OLFM3: variants seen among roughly 807,000 people sequenced by gnomAD.
The protein encoded by OLFM3 is noelin-3.
Under a neutral mutation model 48.6 loss-of-function variants are expected in OLFM3, and 20 were observed. The ratio of observed to expected loss-of-function variants is 0.41; its 90% CI spans 0.29 to 0.60. The LOEUF (loss-of-function observed/expected upper bound fraction) is 0.60. Ranked by LOEUF, OLFM3 falls within the 20% of genes least tolerant of loss-of-function variation. OLFM3 has a pLI of 0.28. For synonymous variants in OLFM3, 222 were observed against 198.1 expected (o/e 1.12, Z -1.01); for missense variants, 437 against 544.3 (o/e 0.80, Z 1.96).
intron 1 of OLFM3, among the ~76,000 whole-genome samples, chr1:101,895,322 T>C (rs1286010992): frequency 6.6e-6 from 1 of 152,000 alleles, no homozygotes; most frequent in African/African-American, 2.4e-5. Flanking sequence ...AGATAAGTTA[T>C]GCGTATCAGC....
intron 1 of OLFM3, among the ~76,000 whole-genome samples, chr1:101,976,039 T>G (rs1426689192): frequency 6.6e-6 from 1 of 152,172 alleles, no homozygotes; most frequent in East Asian, 1.9e-4. Flanking sequence ...GATTTTAAGC[T>G]CTTTGAATAA....
chr1:101,931,177 G>T (rs1659433483), intron 1 of OLFM3, among the ~76,000 whole-genome samples: 1 of 152,148 alleles, frequency 6.6e-6, no homozygotes, highest in Non-Finnish European at 1.5e-5. Flanking sequence ...TCAATAATAA[G>T]CTCTCATGAC....
At chr1:101,836,148 G>A (rs757983885) in intron 2 of OLFM3, among the ~76,000 whole-genome samples, 6 of 152,108 alleles carry the variant, frequency 3.9e-5, no homozygotes, top group African/African-American at 7.2e-5. Context: ...ATCCAAACAC[G>A]TCATCTTTCC....
intron 1 of OLFM3, among the ~76,000 whole-genome samples, chr1:101,886,117 A>C (rs555126930): frequency 6.6e-6 from 1 of 152,200 alleles, no homozygotes; most frequent in South Asian, 2.1e-4. Context: ...TACATACAAA[A>C]ACAAAGGTGT....
chr1:101,835,888 T>C (rs1248795715), intron 2 of OLFM3, among the ~76,000 whole-genome samples: 1 of 152,208 alleles, frequency 6.6e-6, no homozygotes, highest in Admixed American at 6.5e-5. Flanking sequence ...AGGAAACTTA[T>C]TTTCACTATG....
At chr1:101,850,903 T>C (rs6682150) in intron 1 of OLFM3, among the ~76,000 whole-genome samples, 42,392 of 151,654 alleles carry the variant, frequency 0.28, 6,863 homozygotes, top group Non-Finnish European at 0.38. Flanking sequence ...GCTGAAGAAA[T>C]TATTGAAGAA....
At chr1:101,949,983 G>A (rs1438747894) in intron 1 of OLFM3, among the ~76,000 whole-genome samples, 10 of 143,574 alleles carry the variant, frequency 7.0e-5, no homozygotes, top group Non-Finnish European at 1.5e-4. Flanking sequence ...AGCCGAGATC[G>A]TGCCACTGCA....
chr1:101,886,328 T>C (rs1657759223), intron 1 of OLFM3, among the ~76,000 whole-genome samples: 1 of 152,060 alleles, frequency 6.6e-6, no homozygotes, highest in South Asian at 2.1e-4. Flanking sequence ...TTTTAAGTTG[T>C]TCATTTTGTA....
At chr1:101,921,200 T>TACAC (rs142071103) in intron 1 of OLFM3, among the ~76,000 whole-genome samples, 11,731 of 148,064 alleles carry the variant, frequency 0.079, 490 homozygotes, top group Non-Finnish European at 0.095. Flanking sequence ...TTTAAGTTTA[T>TACAC]ACACACACAC....
intron 1 of OLFM3, among the ~76,000 whole-genome samples, chr1:101,839,743 G>C (rs1033775689): frequency 6.6e-6 from 1 of 152,196 alleles, no homozygotes; most frequent in Non-Finnish European, 1.5e-5. Context: ...AGGGAAGTGG[G>C]AAAGGTGAAG....
chr1:101,857,202 T>A (rs1656458578), intron 1 of OLFM3, among the ~76,000 whole-genome samples: 1 of 151,936 alleles, frequency 6.6e-6, no homozygotes, highest in African/African-American at 2.4e-5. Flanking sequence ...AGTAGTGATA[T>A]TTACCTAGAA....
At chr1:101,926,419 G>A (rs903593154) in intron 1 of OLFM3, among the ~76,000 whole-genome samples, 4 of 152,028 alleles carry the variant, frequency 2.6e-5, no homozygotes, top group South Asian at 4.1e-4. Flanking sequence ...TTATATTCAC[G>A]CAAGCCTTTG....
intron 1 of OLFM3, among the ~76,000 whole-genome samples, chr1:101,961,205 A>C (rs1660457101): frequency 6.6e-6 from 1 of 152,070 alleles, no homozygotes; most frequent in South Asian, 2.1e-4. Flanking sequence ...ATTTCTCAAG[A>C]AGTTAATGAT....
intron 1 of OLFM3, among the ~76,000 whole-genome samples, chr1:101,843,393 C>A (rs1379933250): frequency 6.6e-6 from 1 of 152,166 alleles, no homozygotes; most frequent in Non-Finnish European, 1.5e-5. Context: ...GAAGCTCAGC[C>A]TCTAGGGGAA....
intron 1 of OLFM3, among the ~76,000 whole-genome samples, chr1:101,981,508 C>T (rs1661105430): frequency 6.6e-6 from 1 of 152,184 alleles, no homozygotes; most frequent in Non-Finnish European, 1.5e-5. Flanking sequence ...CAAAACTCCT[C>T]AGAATTCTCC....
chr1:101,876,171 T>TGG (rs1412690985), intron 1 of OLFM3, among the ~76,000 whole-genome samples: 1 of 152,004 alleles, frequency 6.6e-6, no homozygotes, highest in African/African-American at 2.4e-5. Flanking sequence ...AAATGAAGAT[T>TGG]GGGATTGTTT....
chr1:101,830,129 C>G (rs12122825), intron 3 of OLFM3, among the ~76,000 whole-genome samples: 1 of 152,068 alleles, frequency 6.6e-6, no homozygotes. Flanking sequence ...TGAGCCACCA[C>G]GCCCGGCCGA....
chr1:101,844,844 G>A (rs946048021), intron 1 of OLFM3, among the ~76,000 whole-genome samples: 16 of 152,128 alleles, frequency 1.1e-4, no homozygotes, highest in Non-Finnish European at 1.6e-4. Context: ...GCTAAAAATA[G>A]TATGAACATA....
At position 101,896,670 on chromosome 1, in the gene OLFM3, A is replaced by AT. The variant is rs3079210; in HGVS notation, c.70-59646dup. Among the ~76,000 whole-genome samples, 852 of 105,660 alleles carry AT rather than the reference A, an allele frequency of 8.1e-3. 12 individuals carry two copies. The highest frequency in any genetic ancestry group is 8.5e-3 in the Non-Finnish European group (450 of 53,062). The allele number at this position is 105,660 out of a possible 152,430, so 69.3% of individuals were successfully genotyped here. A position where few individuals can be genotyped will look rare whatever the true frequency, so the allele number is the denominator to read the frequency against. ...CCACCACGCCCGGCTGATTTTTTGTATTTTTTTTTTTTTTTTTTTTTTTAG... is the reference window on the plus strand; with the variant it reads ...CCACCACGCCCGGCTGATTTTTTGTATTTTTTTTTTTTTTTTTTTTTTTTAG... On this transcript the variant is annotated intron_variant, in intron 1 of 5. Transcript: ENST00000370103.
Sources: gnomAD v4.1 joint callset for allele counts (sites outside exome capture counted in the v4.1 genomes callset) on GRCh38, gnomAD v4.1.1 for gene constraint, MANE v1.5 for transcripts, NCBI Gene and HGNC (gene_info 2026-07-23, HGNC 2026-07-21) for gene names.